The following NBPF26 variants were observed in gnomAD, a reference collection of about 807,000 sequenced individuals.
NBPF26 encodes the protein NBPF member 26.
In NBPF26, 79 loss-of-function variants were observed where a neutral mutation model predicts 119.6. The observed-to-expected ratio is 0.66, with a 90% CI of 0.55 to 0.80. NBPF26 has a LOEUF of 0.80. Ranked by LOEUF, NBPF26 falls within the 30% of genes least tolerant of loss-of-function variation. The pLI is 0.00. For synonymous variants in NBPF26, 299 were observed against 457.7 expected, an observed-to-expected ratio of 0.65 and a Z score of 4.43; for missense variants, 800 against 1,198.2, an observed-to-expected ratio of 0.67 and a Z score of 4.91.
In NBPF26 at chr1:120,790,309, G is replaced by C. The variant is rs1172237992; in HGVS notation, c.416-2852G>C. 3.0e-3 allele frequency among the ~76,000 whole-genome samples: 329 copies of C among 111,426 alleles called. 36 individuals carry two copies. The highest frequency in any genetic ancestry group is 6.0e-3 in the East Asian group (27 of 4,478). The allele number at this position is 111,426 out of a possible 152,430, so 73.1% of individuals were successfully genotyped here. On this transcript the variant is annotated intron_variant, in intron 3 of 29. Transcript: ENST00000620612. Reference sequence around the variant, plus strand: ...GATTACAGGTGTGAGCCACCACACCGGGCCGATTCTGATCATCTTTTATAC... The same window carrying C: ...GATTACAGGTGTGAGCCACCACACCCGGCCGATTCTGATCATCTTTTATAC...
intron 2 of NBPF26, among the ~76,000 whole-genome samples, chr1:120,765,859 T>C (rs1651185417): frequency 8.2e-6 from 1 of 121,274 alleles, no homozygotes; most frequent in Non-Finnish European, 1.7e-5. Context: ...AAGCCATCAT[T>C]CTCAGCAAAC....
At position 120,724,122 on chromosome 1, in the gene NBPF26, C is replaced by A. The variant is rs1650785722; in HGVS notation, c.-56C>A. On this transcript the variant is annotated 5_prime_UTR_variant, in exon 1 of 30. The change creates a new upstream start codon in the 5' untranslated region. Coordinates refer to ENST00000620612, the Ensembl canonical transcript of NBPF26. ...ATCGGGACCCCCTCCCCATGTGGATCTGCCCAGGCGGCGGCGGCGGCGGCG... is the reference window on the plus strand; with the variant it reads ...ATCGGGACCCCCTCCCCATGTGGATATGCCCAGGCGGCGGCGGCGGCGGCG... 4.4e-6 allele frequency: 6 copies of A among 1,351,882 alleles called. 1 individual carries two copies. The Admixed American group carries it at 1.3e-4, about 28-fold the overall frequency. 83.7% of individuals were successfully genotyped at this position (1,351,882 alleles called of 1,614,324 possible).
chr1:120,793,302 G>A lies in NBPF26; in HGVS notation c.557G>A (p.Cys186Tyr). 3 of 1,395,530 alleles carry A rather than the reference G, an allele frequency of 2.1e-6. 1 individual carries two copies. Among genetic ancestry groups the A allele is most frequent in the South Asian group, 2.4e-5 (2 of 82,124 alleles). 86.4% of individuals were successfully genotyped at this position (1,395,530 alleles called of 1,614,324 possible). Residue 186 changes from cysteine to tyrosine, a missense_variant, in exon 4 of 30, where the codon TGT (cysteine) becomes TAT (tyrosine). Physicochemically the swap from Cys to Tyr is radical, Grantham distance 194 (BLOSUM62 -2). Transcript: ENST00000620612. Reference sequence around the variant, plus strand: ...AAGTGTGAGACTGATGTCAATGAGTGTGACATTCCAGGACACTGCCAGCAT... The same window carrying A: ...AAGTGTGAGACTGATGTCAATGAGTATGACATTCCAGGACACTGCCAGCAT...
chr1:120,789,499 G>A (rs1292576336), intron 3 of NBPF26, among the ~76,000 whole-genome samples: 2 of 113,940 alleles, frequency 1.8e-5, no homozygotes, highest in African/African-American at 1.1e-4. Flanking sequence ...AGAAGCAAAA[G>A]CAGAACCCCT....
At chr1:120,810,198 G>T in intron 8 of NBPF26, 149 bp from the exon 9 acceptor site, 3 of 1,013,866 alleles carry the variant, frequency 3.0e-6, no homozygotes, top group Non-Finnish European at 2.8e-6. Context: ...AGAGAGAAGC[G>T]GATTGCCTGT....
exon 10 of NBPF26, chr1:120,812,031 C>A (rs1191783582): frequency 0.014 from 18,169 of 1,285,754 alleles, 3,355 homozygotes; most frequent in Non-Finnish European, 0.017. Context: ...AGTTCAGAAA[C>A]CTCAAAGAGA....
intron 4 of NBPF26, among the ~76,000 whole-genome samples, chr1:120,802,341 C>G (rs1307053557): frequency 7.9e-6 from 1 of 126,102 alleles, no homozygotes; most frequent in Non-Finnish European, 1.6e-5. Context: ...ACCCATTGAG[C>G]TGCATCACAT....
chr1:120,790,400 G>A (rs1651473929), intron 3 of NBPF26, among the ~76,000 whole-genome samples: 1 of 115,202 alleles, frequency 8.7e-6, no homozygotes, highest in South Asian at 2.5e-4. Context: ...TGGTTTTTGT[G>A]ATAGCACTAT....
rs1478845181 is a variant in NBPF26 at position 120,802,609 on chromosome 1, A to G, written c.752-2947A>G. Among the ~76,000 whole-genome samples the G allele has an allele frequency of 2.5e-5, 3 of 119,662 alleles. 1 individual carries two copies. Among genetic ancestry groups the G allele is most frequent in the Non-Finnish European group, 4.9e-5 (3 of 61,204 alleles). 78.5% of individuals were successfully genotyped at this position (119,662 alleles called of 152,430 possible). ...ATAAATTAAGTTTACCTCTTTTTGC[A>G]CAGCAACATGGCCAATCTTTCCTAA... On this transcript the variant is annotated intron_variant, in intron 4 of 29. Transcript: ENST00000620612.
chr1:120,810,638 A>C, intron 9 of NBPF26, 80 bp downstream of exon 9: 1 of 1,315,338 alleles, frequency 7.6e-7, no homozygotes, highest in Non-Finnish European at 1.0e-6. Context: ...GTATATACAC[A>C]TATTGTTATT....
intron 15 of NBPF26, among the ~76,000 whole-genome samples, chr1:120,818,724 C>T (rs1286697949): frequency 1.6e-5 from 2 of 121,338 alleles, no homozygotes; most frequent in Non-Finnish European, 3.3e-5. Flanking sequence ...TTATTTCTGC[C>T]TTCATTTTGT....
intron 18 of NBPF26, among the ~76,000 whole-genome samples, chr1:120,825,236 T>A (rs1277117770): frequency 1.6e-5 from 2 of 122,686 alleles, no homozygotes; most frequent in Admixed American, 7.6e-5. Context: ...GGGCACTAAC[T>A]CAGAGTGTCC....
chr1:120,762,527 G>A lies in NBPF26; in HGVS notation c.74-1101G>A, dbSNP rs1284084269. Among the ~76,000 whole-genome samples the A allele has an allele frequency of 4.2e-4, 48 of 114,788 alleles. 12 individuals carry two copies. Among genetic ancestry groups the A allele is most frequent in the African/African-American group, 2.0e-3 (44 of 21,812 alleles). The allele number at this position is 114,788 out of a possible 152,430, so 75.3% of individuals were successfully genotyped here. A position where few individuals can be genotyped will look rare whatever the true frequency, so the allele number is the denominator to read the frequency against. On this transcript the variant is annotated intron_variant, in intron 1 of 29. Transcript: ENST00000620612. ...TGTGGTTAGAGGAAACTTGGAGGGG[G>A]GAACTTCTCAGTTTTGCTTTCAGGT...
At chr1:120,790,338 T>C (rs1258747405) in intron 3 of NBPF26, among the ~76,000 whole-genome samples, 1 of 113,324 alleles carries the variant, frequency 8.8e-6, no homozygotes, top group Admixed American at 8.4e-5. Context: ...TTTATACATA[T>C]GCTATTTTTG....
At chr1:120,790,010 CTTTTTTT>C (rs1174501165) in intron 3 of NBPF26, among the ~76,000 whole-genome samples, 1 of 34,940 alleles carries the variant, frequency 2.9e-5, no homozygotes, top group Non-Finnish European at 5.0e-5. Flanking sequence ...TTCTGATCAC[CTTTTTTT>C]TTTTTTTTTT....
At position 120,805,664 on chromosome 1, in the gene NBPF26, G is replaced by T; in HGVS notation, c.860G>T (p.Arg287Leu). The change falls in exon 5 of 30, where the codon CGC (arginine) becomes CTC (leucine). Residue 287 changes from arginine (R) to leucine (L), a missense_variant. By Grantham distance (102) the Arg-to-Leu change is moderately radical (BLOSUM62 -2). Coordinates refer to ENST00000620612, the Ensembl canonical transcript of NBPF26. ...ATTCTAGAAATCAACGAGACATTGCGCCCCCAGCTGCCAGAGAACAAACAG... is the reference window on the plus strand; with the variant it reads ...ATTCTAGAAATCAACGAGACATTGCTCCCCCAGCTGCCAGAGAACAAACAG... 2.1e-6 allele frequency: 3 copies of T among 1,456,026 alleles called. 1 individual carries two copies. Among genetic ancestry groups the T allele is most frequent in the Non-Finnish European group, 9.3e-7 (1 of 1,077,356 alleles). The allele number at this position is 1,456,026 out of a possible 1,614,324, so 90.2% of individuals were successfully genotyped here. A position where few individuals can be genotyped will look rare whatever the true frequency, so the allele number is the denominator to read the frequency against.
At chr1:120,729,552 C>G (rs1407779990) in intron 1 of NBPF26, among the ~76,000 whole-genome samples, 3,473 of 102,728 alleles carry the variant, frequency 0.034, no homozygotes, top group Non-Finnish European at 0.039. Flanking sequence ...GTAGACTTTA[C>G]TGAGCTGACA....
chr1:120,769,598 C>A (rs1651237883), intron 2 of NBPF26, among the ~76,000 whole-genome samples: 1 of 122,216 alleles, frequency 8.2e-6, no homozygotes, highest in Admixed American at 7.8e-5. Context: ...TCATTAAATA[C>A]CTCTCATAGA....
rs1303540062 is a variant in NBPF26, at chr1:120,810,655, G to C, written c.1564+97G>C. Reference sequence around the variant, plus strand: ...ATATACACATATTGTTATTGTTTTAGTCAGAAACTGGGATGGAGCTAGGTG... The same window carrying C: ...ATATACACATATTGTTATTGTTTTACTCAGAAACTGGGATGGAGCTAGGTG... On this transcript the variant is annotated intron_variant, in intron 9 of 29. Transcript: ENST00000620612. The C allele has an allele frequency of 9.7e-5, 127 of 1,311,688 alleles. 2 individuals carry two copies. In the East Asian group the frequency reaches 1.6e-3, roughly 16 times the overall value. 81.3% of individuals were successfully genotyped at this position (1,311,688 alleles called of 1,614,324 possible).
Sources: gnomAD v4.1 joint callset for allele counts (sites outside exome capture counted in the v4.1 genomes callset) on GRCh38, gnomAD v4.1.1 for gene constraint, MANE v1.5 for transcripts, NCBI Gene and HGNC (gene_info 2026-07-23, HGNC 2026-07-21) for gene names.